GPHN: variants seen among roughly 807,000 people sequenced by gnomAD.
GPHN encodes the protein gephyrin.
Under a neutral mutation model 95.5 loss-of-function variants are expected in GPHN, and 17 were observed. That is an observed-to-expected ratio of 0.18 (90% CI 0.12 to 0.27). The LOEUF (loss-of-function observed/expected upper bound fraction) is 0.27. Ranked by LOEUF, GPHN falls within the 10% of genes least tolerant of loss-of-function variation. GPHN has a pLI of 1.00. For missense variants in GPHN, 660 were observed against 978.1 expected, an observed-to-expected ratio of 0.67 and a Z score of 4.34; for synonymous variants, 320 against 322.5, an observed-to-expected ratio of 0.99 and a Z score of 0.08.
At chr14:67,495,618 G>A in the GPHN span, among the ~76,000 whole-genome samples, 1 of 152,080 alleles carries the variant, frequency 6.6e-6, no homozygotes, top group Non-Finnish European at 1.5e-5. Context: ...GAGTAGCTGG[G>A]ATTACAGGTG....
At chr14:67,732,536 C>CA in the GPHN span, among the ~76,000 whole-genome samples, 68,156 of 130,004 alleles carry the variant, frequency 0.52, 18,122 homozygotes, top group Non-Finnish European at 0.62. Context: ...CCAAACAAAG[C>CA]AAAAAAAAAA....
the GPHN span, among the ~76,000 whole-genome samples, chr14:67,212,873 C>T: frequency 6.6e-6 from 1 of 150,444 alleles, no homozygotes; most frequent in African/African-American, 2.5e-5. Context: ...TTTTCACAAT[C>T]CCAGAGCCTC....
chr14:66,562,596 A>G (rs891011270), intron 1 of GPHN, among the ~76,000 whole-genome samples: 1 of 152,176 alleles, frequency 6.6e-6, no homozygotes, highest in African/African-American at 2.4e-5. Flanking sequence ...GGGCTTACGT[A>G]TCCTTTTAAC....
the GPHN span, chr14:67,578,534 T>C: frequency 1.9e-6 from 3 of 1,606,430 alleles, no homozygotes; most frequent in African/African-American, 4.0e-5. The surrounding 1 kb of genome is among the most constrained non-coding windows in gnomAD (Gnocchi z 5.0). Flanking sequence ...TCCCTGGCAG[T>C]GCTGGCAGCT....
intron 9 of GPHN, among the ~76,000 whole-genome samples, chr14:66,968,475 T>A (rs1453971295): frequency 1.3e-5 from 2 of 152,130 alleles, no homozygotes; most frequent in Non-Finnish European, 2.9e-5. Context: ...AGAAATCCTT[T>A]CTACATTTCA....
chr14:67,562,949 G>A, the GPHN span: 19 of 1,545,378 alleles, frequency 1.2e-5, no homozygotes, highest in Non-Finnish European at 1.7e-5. Context: ...CAAGAACACT[G>A]CTGGCTGAGC....
At chr14:66,879,600 C>T (rs1383829792) in intron 4 of GPHN, among the ~76,000 whole-genome samples, 1 of 151,966 alleles carries the variant, frequency 6.6e-6, no homozygotes, top group Non-Finnish European at 1.5e-5. Flanking sequence ...AGATTACTTA[C>T]CTGGTGAGAA....
chr14:66,741,504 T>C (rs2072790328), intron 2 of GPHN, among the ~76,000 whole-genome samples: 1 of 151,810 alleles, frequency 6.6e-6, no homozygotes, highest in African/African-American at 2.4e-5. Flanking sequence ...ATATAAAAGG[T>C]TGGGGGAAAT....
chr14:67,134,048 G>T (rs562925898), intron 17 of GPHN, among the ~76,000 whole-genome samples: 1 of 152,182 alleles, frequency 6.6e-6, no homozygotes, highest in Non-Finnish European at 1.5e-5. Flanking sequence ...CAGTTTATAT[G>T]TGAAAAGAAA....
chr14:67,700,593 T>C, the GPHN span, among the ~76,000 whole-genome samples: 1 of 151,628 alleles, frequency 6.6e-6, no homozygotes, highest in Non-Finnish European at 1.5e-5. Flanking sequence ...CGGGCGCCTG[T>C]AGTCCCAGCT....
the GPHN span, among the ~76,000 whole-genome samples, chr14:67,396,725 G>A: frequency 6.6e-6 from 1 of 152,246 alleles, no homozygotes; most frequent in East Asian, 1.9e-4. Context: ...GACCCAGCCT[G>A]AAATATCTTT....
At chr14:66,882,508 A>C (rs182268349) in intron 5 of GPHN, among the ~76,000 whole-genome samples, 1 of 151,998 alleles carries the variant, frequency 6.6e-6, no homozygotes, top group African/African-American at 2.4e-5. Flanking sequence ...GGGAGATATT[A>C]TGAAGTAATG....
At chr14:66,771,502 A>G (rs2059169768) in intron 2 of GPHN, among the ~76,000 whole-genome samples, 1 of 152,222 alleles carries the variant, frequency 6.6e-6, no homozygotes, top group South Asian at 2.1e-4. Context: ...GCCCAGTAGA[A>G]TAGAATATAG....
At chr14:67,470,606 G>T in the GPHN span, 2 of 152,950 alleles carry the variant, frequency 1.3e-5, no homozygotes, top group Non-Finnish European at 2.9e-5. Flanking sequence ...CCACTCAGCA[G>T]CTGCCTCCCC....
At chr14:66,992,124 C>A (rs1185493226) in intron 9 of GPHN, among the ~76,000 whole-genome samples, 1 of 152,004 alleles carries the variant, frequency 6.6e-6, no homozygotes, top group East Asian at 1.9e-4. Context: ...GTATTTTCAT[C>A]TGAATACTCA....
the GPHN span, among the ~76,000 whole-genome samples, chr14:67,506,961 C>T: frequency 1.3e-5 from 2 of 151,062 alleles, no homozygotes; most frequent in Middle Eastern, 3.4e-3. Context: ...TCCAGCCTGG[C>T]GACAGGGCCA....
chr14:67,721,083 T>G, the GPHN span, among the ~76,000 whole-genome samples: 1 of 152,200 alleles, frequency 6.6e-6, no homozygotes, highest in East Asian at 1.9e-4. Context: ...TAAATGTGTG[T>G]TGAGGATGAA....
chr14:67,372,832 A>G, the GPHN span, among the ~76,000 whole-genome samples: 1 of 152,018 alleles, frequency 6.6e-6, no homozygotes, highest in South Asian at 2.1e-4. Context: ...ATCTCAAAAA[A>G]AAAAACAAAA....
chr14:66,753,812 A>G (rs1390312037), intron 2 of GPHN, among the ~76,000 whole-genome samples: 2 of 152,082 alleles, frequency 1.3e-5, no homozygotes, highest in East Asian at 1.9e-4. Context: ...TGTAATTTCA[A>G]ACATTTCCAT....
Sources: gnomAD v4.1 joint callset for allele counts (sites outside exome capture counted in the v4.1 genomes callset) on GRCh38, gnomAD v4.1.1 for gene constraint, Gnocchi (gnomAD v3.1) non-coding constraint, MANE v1.5 for transcripts, NCBI Gene and HGNC (gene_info 2026-07-23, HGNC 2026-07-21) for gene names.